The following SPOCK1 variants were observed in gnomAD, a reference collection of about 807,000 sequenced individuals.
The protein encoded by SPOCK1 is SPARC (osteonectin), cwcv and kazal like domains proteoglycan 1.
Under a neutral mutation model 55.3 loss-of-function variants are expected in SPOCK1, and 23 were observed. That is an observed-to-expected ratio of 0.42 (90% CI 0.30 to 0.59). The LOEUF is 0.59. Ranked by LOEUF, SPOCK1 falls within the 20% of genes least tolerant of loss-of-function variation. SPOCK1 has a pLI of 0.22. For synonymous variants in SPOCK1, 226 were observed against 221.0 expected (o/e 1.02, Z -0.20); for missense variants, 499 against 552.5 (o/e 0.90, Z 0.97).
At chr5:137,145,819 G>A (rs772017094) in intron 3 of SPOCK1, among the ~76,000 whole-genome samples, 12 of 152,332 alleles carry the variant, frequency 7.9e-5, no homozygotes, top group Non-Finnish European at 1.6e-4. Context: ...AATAGGATGA[G>A]GAAGAACACT....
chr5:137,153,760 A>G (rs1689414935), intron 3 of SPOCK1, among the ~76,000 whole-genome samples: 1 of 152,082 alleles, frequency 6.6e-6, no homozygotes, highest in South Asian at 2.1e-4. Flanking sequence ...CAGGAGGCTG[A>G]GGTGGGAGGA....
chr5:137,039,221 G>T (rs974694279), intron 6 of SPOCK1, among the ~76,000 whole-genome samples: 16 of 144,904 alleles, frequency 1.1e-4, no homozygotes, highest in African/African-American at 4.0e-4. Context: ...TTAACTAGTA[G>T]ATGCTGAATC....
intron 5 of SPOCK1, among the ~76,000 whole-genome samples, chr5:137,083,693 T>C (rs9764685): frequency 0.059 from 9,037 of 152,162 alleles, 623 homozygotes; most frequent in African/African-American, 0.16. Flanking sequence ...ATACTTGCTA[T>C]GGGAGAGCCG....
intron 6 of SPOCK1, among the ~76,000 whole-genome samples, chr5:137,007,037 G>A (rs1479372851): frequency 6.6e-6 from 1 of 152,062 alleles, no homozygotes; most frequent in Non-Finnish European, 1.5e-5. Context: ...ACAAGCAGTG[G>A]GGAAAGGATT....
intron 2 of SPOCK1, among the ~76,000 whole-genome samples, chr5:137,427,876 T>G (rs1315247314): frequency 1.5e-5 from 2 of 135,662 alleles, no homozygotes; most frequent in Non-Finnish European, 3.0e-5. Flanking sequence ...GCCACTGCAC[T>G]CCAGCCTGGG....
chr5:137,196,361 G>A (rs1322373721), intron 3 of SPOCK1, among the ~76,000 whole-genome samples: 1 of 152,094 alleles, frequency 6.6e-6, no homozygotes, highest in Non-Finnish European at 1.5e-5. Flanking sequence ...AAAACCTTTC[G>A]GTGGGTTCCC....
At chr5:137,084,341 G>C (rs1051266105) in intron 5 of SPOCK1, among the ~76,000 whole-genome samples, 1 of 151,972 alleles carries the variant, frequency 6.6e-6, no homozygotes, top group Admixed American at 6.5e-5. Context: ...CTGCAGAGTG[G>C]TGTGGGAATT....
intron 3 of SPOCK1, among the ~76,000 whole-genome samples, chr5:137,217,802 G>T (rs1263806704): frequency 6.6e-6 from 1 of 152,150 alleles, no homozygotes; most frequent in Non-Finnish European, 1.5e-5. Flanking sequence ...TACTGATGAG[G>T]AAATTACAGC....
chr5:137,291,145 G>A (rs1463255269), intron 2 of SPOCK1, among the ~76,000 whole-genome samples: 4 of 152,048 alleles, frequency 2.6e-5, no homozygotes, highest in Admixed American at 6.6e-5. Flanking sequence ...ACTACCTGGT[G>A]ATCTATAGAA....
chr5:137,115,094 A>G (rs1380993862), intron 4 of SPOCK1, among the ~76,000 whole-genome samples: 1 of 152,178 alleles, frequency 6.6e-6, no homozygotes, highest in Non-Finnish European at 1.5e-5. Flanking sequence ...AGTTCATTAA[A>G]GGGAAGCAAC....
intron 2 of SPOCK1, among the ~76,000 whole-genome samples, chr5:137,301,336 C>T (rs10515494): frequency 0.1 from 15,671 of 152,184 alleles, 1,779 homozygotes; most frequent in African/African-American, 0.28. Flanking sequence ...AAGCAGCTTA[C>T]CAACTGAGAG....
chr5:137,343,342 C>A (rs1561510059), intron 2 of SPOCK1, among the ~76,000 whole-genome samples: 1 of 152,232 alleles, frequency 6.6e-6, no homozygotes. Flanking sequence ...TCACCCAGAG[C>A]AGAAGAGGTG....
In SPOCK1 at chr5:137,067,818, C is replaced by T. The variant is rs755551131; in HGVS notation, c.486G>A (p.Glu162=). 2.2e-5 allele frequency: 36 copies of T among 1,613,956 alleles called. No individual in the cohort carries two copies. The Admixed American group carries it at 6.0e-4, about 27-fold the overall frequency. Residue 162 remains glutamate, a synonymous_variant, in exon 6 of 11, where the codon GAG becomes GAA. Transcript: ENST00000394945. ...TTTTGCCAGTAGAACAAGCATGGAA[C>T]TCCAATTTGCACTGCAAAAGAGAGA... ...GHSYTSKCKL[E]FHACSTGKSL...
chr5:137,194,048 C>T (rs1755242940), intron 3 of SPOCK1, among the ~76,000 whole-genome samples: 1 of 152,138 alleles, frequency 6.6e-6, no homozygotes. Flanking sequence ...GCTCTGAAGC[C>T]CTCTGAACAG....
At chr5:137,390,838 T>TG (rs368610070) in intron 2 of SPOCK1, among the ~76,000 whole-genome samples, 1,649 of 152,144 alleles carry the variant, frequency 0.011, 23 homozygotes, top group African/African-American at 0.038. Context: ...GAGTAGCTGG[T>TG]GGGGGGGTGT....
intron 5 of SPOCK1, among the ~76,000 whole-genome samples, chr5:137,105,947 T>C (rs1753359594): frequency 6.6e-6 from 1 of 152,136 alleles, no homozygotes; most frequent in African/African-American, 2.4e-5. Context: ...CAGTGAACAG[T>C]GCTGGCTCTC....
chr5:137,088,117 G>A (rs1752992228), intron 5 of SPOCK1, among the ~76,000 whole-genome samples: 1 of 152,150 alleles, frequency 6.6e-6, no homozygotes, highest in African/African-American at 2.4e-5. Context: ...CAGGAGGCTG[G>A]ACTAGATGAG....
At chr5:137,122,943 G>A (rs1420356184) in intron 4 of SPOCK1, among the ~76,000 whole-genome samples, 1 of 152,244 alleles carries the variant, frequency 6.6e-6, no homozygotes. Context: ...GGAGGGCTGG[G>A]TGTGATTGCC....
chr5:137,152,617 C>T (rs539698728), intron 3 of SPOCK1, among the ~76,000 whole-genome samples: 15 of 152,268 alleles, frequency 9.9e-5, no homozygotes, highest in Non-Finnish European at 1.9e-4. Context: ...AAATTCTTTC[C>T]ACCGGAGGGG....
Sources: allele counts gnomAD v4.1 joint callset (sites outside exome capture counted in the v4.1 genomes callset), GRCh38; gene constraint gnomAD v4.1.1; transcripts MANE v1.5; gene names NCBI Gene and HGNC (gene_info 2026-07-23, HGNC 2026-07-21).